The following NFKBIE variants were observed in gnomAD, a reference collection of about 807,000 sequenced individuals.
NFKBIE encodes the protein NFKB inhibitor epsilon.
A neutral mutation model predicts 31.6 loss-of-function variants in NFKBIE; 11 were observed. The observed-to-expected ratio is 0.35, with a 90% CI of 0.22 to 0.58. NFKBIE has a LOEUF of 0.58. Ranked by LOEUF, NFKBIE falls within the 20% of genes least tolerant of loss-of-function variation. The pLI is 0.83. For synonymous variants in NFKBIE, 208 were observed against 210.1 expected (o/e 0.99, Z 0.09); for missense variants, 354 against 465.7 (o/e 0.76, Z 2.21).
chr6:44,260,577 C>G lies in NFKBIE; in HGVS notation c.692-38G>C, dbSNP rs1363869146. The G allele has an allele frequency of 1.9e-6, 3 of 1,593,090 alleles. No individual in the cohort carries two copies. The highest frequency in any genetic ancestry group is 2.7e-5 in the African/African-American group (2 of 74,478). On this transcript the variant is annotated intron_variant, in intron 3 of 5. Coordinates refer to ENST00000619360, the MANE Select transcript of NFKBIE (RefSeq NM_004556.3). The surrounding 1 kb of genome is among the most constrained non-coding windows in gnomAD (Gnocchi z 5.5). ...GAGAGTGAGGGTGAGGGCTGCTGAT[C>G]TGCATCCACCAACTCCCTCTCTTCT...
Position 44,261,822 on chromosome 6 carries a change from C to T in NFKBIE, c.495G>A (p.Leu165=), listed in dbSNP as rs1409975927. The T allele has an allele frequency of 6.2e-7, 1 of 1,611,654 alleles. No homozygotes were observed. The highest frequency in any genetic ancestry group is 2.2e-5 in the East Asian group (1 of 44,878). Residue 165 remains leucine, a synonymous_variant, in exon 3 of 6, where the codon CTG becomes CTA. Transcript: ENST00000619360. This position sits in a 1 kb window ranked among gnomAD's most constrained non-coding sequence, Gnocchi z 4.3. ...YQTALHLAVH[L]DQPGAVRALV... ...GTGCCCGAACTGCGCCCGGTTGGTCCAGATGTACAGCCAGATGGAGTGCTG... is the reference window on the plus strand; with the variant it reads ...GTGCCCGAACTGCGCCCGGTTGGTCTAGATGTACAGCCAGATGGAGTGCTG...
In NFKBIE at chr6:44,265,329, C is replaced by T; in HGVS notation, c.18G>A (p.Lys6=). The change falls in exon 1 of 6, where the codon AAG becomes AAA. Residue 6 remains lysine (K), a synonymous_variant. Transcript: ENST00000619360. MSEAR[K]GPDEAEESQY... ...GGCTCTCCTCCGCCTCGTCCGGCCC[C>T]TTCCGCGCCTCCGACATGCCCGCGG... The T allele has an allele frequency of 6.4e-7, 1 of 1,552,470 alleles. No individual in the cohort carries two copies. Among genetic ancestry groups the T allele is most frequent in the Non-Finnish European group, 8.7e-7 (1 of 1,153,416 alleles).
At position 44,259,289 on chromosome 6, in the gene NFKBIE, G is replaced by A; in HGVS notation, c.1021-5C>T. The A allele has an allele frequency of 6.2e-7, 1 of 1,608,802 alleles. No individual in the cohort carries two copies. Among genetic ancestry groups the A allele is most frequent in the Middle Eastern group, 1.7e-4 (1 of 6,046 alleles). ...AAAGGGCAAAAGGACAAGGGACTGA[G>A]AAGGAGAATGGAGAGAAGCAAGATC... On this transcript the variant is annotated splice_polypyrimidine_tract_variant and splice_region_variant and intron_variant, in intron 5 of 5. Coordinates refer to ENST00000619360, the MANE Select transcript of NFKBIE (RefSeq NM_004556.3).
intron 1 of NFKBIE, among the ~76,000 whole-genome samples, chr6:44,264,701 T>C (rs1782050997): frequency 6.6e-6 from 1 of 152,120 alleles, no homozygotes; most frequent in Non-Finnish European, 1.5e-5. Flanking sequence ...CTGGACTTGG[T>C]CAGGGGAATT....
Position 44,265,253 on chromosome 6 carries a change from A to G in NFKBIE, c.94T>C (p.Ser32Pro), listed in dbSNP as rs765512787. The G allele has an allele frequency of 4.1e-5, 64 of 1,552,650 alleles. No individual in the cohort carries two copies. The East Asian group carries it at 1.5e-3, about 37-fold the overall frequency. Residue 32 changes from serine to proline, a missense_variant, in exon 1 of 6, where the codon TCC becomes CCC. This residue lies in a region of NFKBIE where 171 missense variants were observed against 155.1 expected (regional missense o/e 1.10). Coordinates refer to ENST00000619360, the MANE Select transcript of NFKBIE (RefSeq NM_004556.3). ...SLRSLRSLPE[S>P]TSAPASGPSD... The stretch of plus-strand genomic sequence containing the variant: ...GGCCCGGAGGCTGGAGCCGAGGTGG[A>G]CTCGGGTAGGGAGCGCAGAGAGCGC...
chr6:44,265,414 T>A lies in NFKBIE; in HGVS notation c.-68A>T. 10 of 1,544,000 alleles carry A rather than the reference T, an allele frequency of 6.5e-6. No individual in the cohort carries two copies. The highest frequency in any genetic ancestry group is 7.8e-6 in the Non-Finnish European group (9 of 1,151,958). On this transcript the variant is annotated 5_prime_UTR_variant, in exon 1 of 6. The change creates a new upstream start codon in the 5' untranslated region. Transcript: ENST00000619360. ...CGGCTCCAGGCTCCGCCGCGCCGCC[T>A]TTCCGGGTTGCGGGTCCGCTTGGCA...
In NFKBIE at chr6:44,258,230, G is replaced by A. The variant is rs1272771772; in HGVS notation, c.*989C>T. On this transcript the variant is annotated 3_prime_UTR_variant, in exon 6 of 6. Coordinates refer to ENST00000619360, the MANE Select transcript of NFKBIE (RefSeq NM_004556.3). ...AACGGCTGTCTCTCTCACTGGATGA[G>A]ACGCTCCAAGTGGTCAGAGACTGTG... 1 of 152,222 alleles carries A rather than the reference G, an allele frequency of 6.6e-6. No homozygotes were observed. The highest frequency in any genetic ancestry group is 2.4e-5 in the African/African-American group (1 of 41,450). 9.4% of individuals were successfully genotyped at this position (152,222 alleles called of 1,614,324 possible). A position where few individuals can be genotyped will look rare whatever the true frequency, so the allele number is the denominator to read the frequency against.
At chr6:44,264,903 A>T in intron 1 of NFKBIE, 79 bp downstream of exon 1, 1 of 1,444,032 alleles carries the variant, frequency 6.9e-7, no homozygotes, top group Non-Finnish European at 9.4e-7. Flanking sequence ...TTCACGGGGG[A>T]GTGGGGGTGC....
In NFKBIE at chr6:44,261,349, T is replaced by C. The variant is rs1781914184; in HGVS notation, c.691+277A>G. Among the ~76,000 whole-genome samples, 1 of 152,276 alleles carries C rather than the reference T, an allele frequency of 6.6e-6. No homozygotes were observed. The highest frequency in any genetic ancestry group is 1.5e-5 in the Non-Finnish European group (1 of 68,048). ...ATAGAAAACCCTCAGTACATTTCTGTTGAATGAATGAATCAGGTCATCTAA... is the reference window on the plus strand; with the variant it reads ...ATAGAAAACCCTCAGTACATTTCTGCTGAATGAATGAATCAGGTCATCTAA... On this transcript the variant is annotated intron_variant, in intron 3 of 5. Transcript: ENST00000619360. This position sits in a 1 kb window ranked among gnomAD's most constrained non-coding sequence, Gnocchi z 4.3.
intron 1 of NFKBIE, among the ~76,000 whole-genome samples, chr6:44,264,161 C>A (rs897657321): frequency 6.6e-6 from 1 of 152,200 alleles, no homozygotes; most frequent in Non-Finnish European, 1.5e-5. Context: ...AACTCTATTT[C>A]TCATCCCCAG....
rs2233437 is a variant in NFKBIE, at chr6:44,260,425, G to A, written c.780+26C>T. On this transcript the variant is annotated intron_variant, in intron 4 of 5. Transcript: ENST00000619360. The surrounding 1 kb of genome is among the most constrained non-coding windows in gnomAD (Gnocchi z 5.5). Reference sequence around the variant, plus strand: ...GTCAGGTGGGGGCAGGCCCTGGGCCGGGCAGTGCTTTGCTGGCTGTCTCAC... The same window carrying A: ...GTCAGGTGGGGGCAGGCCCTGGGCCAGGCAGTGCTTTGCTGGCTGTCTCAC... The A allele has an allele frequency of 0.42, 677,544 of 1,613,518 alleles. 147,208 individuals carry two copies. Among genetic ancestry groups the A allele is most frequent in the Admixed American group, 0.56 (33,834 of 60,000 alleles).
In NFKBIE at chr6:44,265,523, G is replaced by T; in HGVS notation, c.-177C>A. The T allele has an allele frequency of 6.4e-7, 1 of 1,564,092 alleles. No individual in the cohort carries two copies. The highest frequency in any genetic ancestry group is 2.3e-5 in the East Asian group (1 of 42,654). The stretch of plus-strand genomic sequence containing the variant: ...GCGCGCAGCGAGGACAAGGTTCGGA[G>T]CGCTGGCCAGGTCCACCCAGCGGTT... On this transcript the variant is annotated 5_prime_UTR_variant, in exon 1 of 6. Coordinates refer to ENST00000619360, the MANE Select transcript of NFKBIE (RefSeq NM_004556.3).
In NFKBIE at chr6:44,265,437, G is replaced by C. The variant is rs547379026; in HGVS notation, c.-91C>G. The C allele has an allele frequency of 5.3e-6, 8 of 1,522,256 alleles. No homozygotes were observed. In the African/African-American group the frequency reaches 8.5e-5, roughly 16 times the overall value. 94.3% of individuals were successfully genotyped at this position (1,522,256 alleles called of 1,614,324 possible). ...CCTTTCCGGGTTGCGGGTCCGCTTGGCAGAGCGGGCGCCCGGCCCGCGGCG... is the reference window on the plus strand; with the variant it reads ...CCTTTCCGGGTTGCGGGTCCGCTTGCCAGAGCGGGCGCCCGGCCCGCGGCG... On this transcript the variant is annotated 5_prime_UTR_variant, in exon 1 of 6. Transcript: ENST00000619360.
At position 44,263,105 on chromosome 6, in the gene NFKBIE, A is replaced by G. The variant is rs965148022; in HGVS notation, c.366-443T>C. Among the ~76,000 whole-genome samples the G allele has an allele frequency of 3.3e-5, 5 of 152,352 alleles. No homozygotes were observed. The South Asian group carries it at 8.3e-4, about 25-fold the overall frequency. On this transcript the variant is annotated intron_variant, in intron 1 of 5. Transcript: ENST00000619360. The surrounding 1 kb of genome is among the most constrained non-coding windows in gnomAD (Gnocchi z 5.0). ...GTTGCAGGGTCACCCCGTACCCCCA[A>G]GCAACTCAGTGTTACACATTCCAAG... is the stretch of plus-strand genomic sequence containing the variant.
Position 44,260,826 on chromosome 6 carries a change from AACACAC to A in NFKBIE, c.692-293_692-288del, listed in dbSNP as rs369958691. On this transcript the variant is annotated intron_variant, in intron 3 of 5. Transcript: ENST00000619360. The surrounding 1 kb of genome is among the most constrained non-coding windows in gnomAD (Gnocchi z 5.5). ...CACCCTCCTCCTATACACAAACTAC[AACACAC>A]ACACACACACACACACACACACATA... is the stretch of plus-strand genomic sequence containing the variant. Among the ~76,000 whole-genome samples the A allele has an allele frequency of 1.7e-4, 20 of 119,190 alleles. No homozygotes were observed. The highest frequency in any genetic ancestry group is 1.1e-3 in the East Asian group (4 of 3,650). The allele number at this position is 119,190 out of a possible 152,430, so 78.2% of individuals were successfully genotyped here.
In NFKBIE at chr6:44,265,272, A is replaced by G. The variant is rs549933849; in HGVS notation, c.75T>C (p.Ser25=). The G allele has an allele frequency of 4.5e-6, 7 of 1,551,284 alleles. No individual in the cohort carries two copies. The East Asian group carries it at 1.2e-4, about 27-fold the overall frequency. Residue 25 remains serine (S), a synonymous_variant, in exon 1 of 6, where the codon TCT becomes TCC. Transcript: ENST00000619360. ...QYDSGIESLR[S]LRSLPESTSA... ...AGGTGGACTCGGGTAGGGAGCGCAG[A>G]GAGCGCAGAGACTCAATGCCAGAGT...
At position 44,263,911 on chromosome 6, in the gene NFKBIE, G is replaced by T. The variant is rs915964033; in HGVS notation, c.365+1071C>A. Reference sequence around the variant, plus strand: ...CTCCTTGGATCAAAGGTCATCAGAGGTATCTTGCGTGCAGCCCCCAAAACC... The same window carrying T: ...CTCCTTGGATCAAAGGTCATCAGAGTTATCTTGCGTGCAGCCCCCAAAACC... On this transcript the variant is annotated intron_variant, in intron 1 of 5. Transcript: ENST00000619360. The surrounding 1 kb of genome is among the most constrained non-coding windows in gnomAD (Gnocchi z 5.0). Among the ~76,000 whole-genome samples, 9 of 152,274 alleles carry T rather than the reference G, an allele frequency of 5.9e-5. No individual in the cohort carries two copies. Among genetic ancestry groups the T allele is most frequent in the Admixed American group, 3.3e-4 (5 of 15,302 alleles).
rs2153331320 is a variant in NFKBIE at position 44,260,202 on chromosome 6, A to G, written c.861T>C (p.Ala287=). The change falls in exon 5 of 6, where the codon GCT becomes GCC. Residue 287 remains alanine, a synonymous_variant. Transcript: ENST00000619360. The surrounding 1 kb of genome is among the most constrained non-coding windows in gnomAD (Gnocchi z 5.5). The part of the protein sequence containing the change: ...ERGLVQFLLQ[A]GAQVDARMLN... ...GCATGCGGGCATCTACCTGGGCACC[A>G]GCCTGGAGCAGGAACTGTACCAGGC... 3.1e-6 allele frequency: 5 copies of G among 1,614,216 alleles called. No individual in the cohort carries two copies. Among genetic ancestry groups the G allele is most frequent in the African/African-American group, 2.7e-5 (2 of 75,070 alleles).
intron 1 of NFKBIE, 133 bp downstream of exon 1, chr6:44,264,849 G>T: frequency 2.0e-6 from 2 of 1,019,106 alleles, no homozygotes; most frequent in Non-Finnish European, 2.9e-6. Context: ...TGGGCTGAGA[G>T]TTAAGTCTGG....
Sources: gnomAD v4.1 joint callset for allele counts (sites outside exome capture counted in the v4.1 genomes callset) on GRCh38, gnomAD v4.1.1 for gene constraint, gnomAD v4.1.1 regional missense constraint, Gnocchi (gnomAD v3.1) non-coding constraint, MANE v1.5 for transcripts, NCBI Gene and HGNC (gene_info 2026-07-23, HGNC 2026-07-21) for gene names.